NDST4: variants seen among roughly 807,000 people sequenced by gnomAD.
NDST4 encodes N-heparan sulfate sulfotransferase 4.
NDST4 carries 63 observed loss-of-function variants against 100.8 expected under a neutral mutation model. That is an observed-to-expected ratio of 0.62 (90% CI 0.51 to 0.77). The LOEUF is 0.77. NDST4 is among the 30% of genes least tolerant of loss of function. The pLI is 0.00. For synonymous variants in NDST4, 377 were observed against 361.8 expected (o/e 1.04, Z -0.48); for missense variants, 943 against 1,018.4 (o/e 0.93, Z 1.01).
intron 12 of NDST4, among the ~76,000 whole-genome samples, chr4:114,832,446 G>A (rs1723219525): frequency 6.6e-6 from 1 of 152,142 alleles, no homozygotes; most frequent in African/African-American, 2.4e-5. Flanking sequence ...CAGACCTTGT[G>A]GGAGAGGCTT....
chr4:114,960,975 G>A (rs1726249732), intron 4 of NDST4, among the ~76,000 whole-genome samples: 1 of 151,986 alleles, frequency 6.6e-6, no homozygotes, highest in Non-Finnish European at 1.5e-5. Flanking sequence ...GATGTAATGT[G>A]CAATAATAAA....
In NDST4 at chr4:115,076,723, T is replaced by C; in HGVS notation, c.314A>G (p.Gln105Arg). Residue 105 changes from glutamine (Q) to arginine (R), a missense_variant, in exon 2 of 14, where the codon CAG becomes CGG. This residue lies in a region of NDST4 where 417 missense variants were observed against 384.2 expected (regional missense o/e 1.09). Coordinates refer to ENST00000264363, the MANE Select transcript of NDST4 (RefSeq NM_022569.3). ...IIAILESSRF[Q>R]YHMVIAPGKG... is the part of the protein sequence containing the mutation. ...TCCAGGGGCAATAACCATGTGGTAC[T>C]GAAATCGGCTGGACTCCAAAATAGC... 6.2e-7 allele frequency: 1 copy of C among 1,613,986 alleles called. No homozygotes were observed. The highest frequency in any genetic ancestry group is 1.1e-5 in the South Asian group (1 of 91,084).
intron 1 of NDST4, among the ~76,000 whole-genome samples, chr4:115,091,306 C>T (rs1045403518): frequency 6.6e-6 from 1 of 151,902 alleles, no homozygotes; most frequent in South Asian, 2.1e-4. Context: ...ATTTCATTTA[C>T]AAGAAATGAC....
chr4:114,946,801 C>G (rs979733033), intron 4 of NDST4, among the ~76,000 whole-genome samples: 1 of 152,128 alleles, frequency 6.6e-6, no homozygotes, highest in Non-Finnish European at 1.5e-5. Context: ...GGAATGGGTA[C>G]AGATCTTTTA....
chr4:115,059,401 G>C (rs1407410250), intron 2 of NDST4, among the ~76,000 whole-genome samples: 3 of 151,922 alleles, frequency 2.0e-5, no homozygotes, highest in African/African-American at 7.2e-5. Context: ...TATGGAAAAG[G>C]GTTTCATATG....
chr4:115,036,891 A>G (rs1728244413), intron 2 of NDST4, among the ~76,000 whole-genome samples: 1 of 152,056 alleles, frequency 6.6e-6, no homozygotes, highest in African/African-American at 2.4e-5. Context: ...CATACTGATA[A>G]TATATTTATC....
chr4:114,862,064 T>C (rs1422407218), intron 7 of NDST4, among the ~76,000 whole-genome samples: 1 of 152,192 alleles, frequency 6.6e-6, no homozygotes, highest in Non-Finnish European at 1.5e-5. Flanking sequence ...CTCTGTCTTC[T>C]TTATTGCTAC....
intron 2 of NDST4, among the ~76,000 whole-genome samples, chr4:115,040,370 C>T (rs972807486): frequency 1.5e-4 from 23 of 149,128 alleles, no homozygotes; most frequent in Admixed American, 6.8e-5. Context: ...ATATGAACTA[C>T]CAAAAAATCC....
chr4:115,016,692 C>G (rs181223658), intron 2 of NDST4, among the ~76,000 whole-genome samples: 1 of 152,032 alleles, frequency 6.6e-6, no homozygotes, highest in African/African-American at 2.4e-5. Flanking sequence ...GTATGCAATA[C>G]AGGAGATACC....
At chr4:114,965,375 G>A (rs921177140) in intron 4 of NDST4, among the ~76,000 whole-genome samples, 2 of 151,896 alleles carry the variant, frequency 1.3e-5, no homozygotes, top group African/African-American at 4.8e-5. Flanking sequence ...GACACTTAAG[G>A]ATTTTCCATA....
intron 7 of NDST4, among the ~76,000 whole-genome samples, chr4:114,870,551 A>C (rs1724125312): frequency 6.6e-6 from 1 of 152,128 alleles, no homozygotes; most frequent in Admixed American, 6.6e-5. Flanking sequence ...CAACCAAGCA[A>C]CCAACCAAAC....
intron 6 of NDST4, among the ~76,000 whole-genome samples, chr4:114,895,197 G>C (rs900031311): frequency 1.8e-4 from 28 of 151,892 alleles, no homozygotes; most frequent in Admixed American, 1.3e-4. Flanking sequence ...ACGAATCCAG[G>C]AGCTGGGTTT....
chr4:115,030,093 CTG>C (rs1728083529), intron 2 of NDST4, among the ~76,000 whole-genome samples: 1 of 151,950 alleles, frequency 6.6e-6, no homozygotes, highest in African/African-American at 2.4e-5. Context: ...AGGAAGATTC[CTG>C]TGTGAGAATT....
At chr4:114,920,887 T>A (rs1335614751) in intron 6 of NDST4, among the ~76,000 whole-genome samples, 1 of 152,196 alleles carries the variant, frequency 6.6e-6, no homozygotes, top group East Asian at 1.9e-4. Flanking sequence ...ATTTGATTTG[T>A]GGGGTTGAAT....
chr4:115,058,025 C>T (rs1003844534), intron 2 of NDST4, among the ~76,000 whole-genome samples: 2 of 152,016 alleles, frequency 1.3e-5, no homozygotes, highest in African/African-American at 4.8e-5. Flanking sequence ...ACTTGGAAGT[C>T]AACATAGAAA....
intron 6 of NDST4, among the ~76,000 whole-genome samples, chr4:114,920,806 T>C (rs952749826): frequency 1.3e-5 from 2 of 152,158 alleles, no homozygotes; most frequent in Non-Finnish European, 2.9e-5. Flanking sequence ...ATCTGTAGGA[T>C]CAATAACTGC....
chr4:114,969,292 T>C (rs1418194931), intron 4 of NDST4, among the ~76,000 whole-genome samples: 13 of 120,080 alleles, frequency 1.1e-4, no homozygotes, highest in Non-Finnish European at 2.0e-4. Flanking sequence ...CCAGCCTGGG[T>C]GACAGAGCGA....
Position 114,966,545 on chromosome 4 carries a change from T to G in NDST4, c.1221+3885A>C, listed in dbSNP as rs1009850633. Among the ~76,000 whole-genome samples the G allele has an allele frequency of 9.2e-5, 14 of 152,070 alleles. 1 individual carries two copies. The highest frequency in any genetic ancestry group is 1.3e-4 in the Non-Finnish European group (9 of 67,948). ...ATATATCTGAATATGTTTGAATCAT[T>G]TTTGGAACTGCTATGAGAACAAGTG... On this transcript the variant is annotated intron_variant, in intron 4 of 13. Transcript: ENST00000264363.
At chr4:114,892,250 C>T (rs530183876) in intron 6 of NDST4, among the ~76,000 whole-genome samples, 2 of 152,210 alleles carry the variant, frequency 1.3e-5, no homozygotes, top group South Asian at 4.1e-4. Context: ...GTTGGTAATA[C>T]ATACCATGTA....
Sources: gnomAD v4.1 joint callset for allele counts (sites outside exome capture counted in the v4.1 genomes callset) on GRCh38, gnomAD v4.1.1 for gene constraint, gnomAD v4.1.1 regional missense constraint, MANE v1.5 for transcripts, NCBI Gene and HGNC (gene_info 2026-07-23, HGNC 2026-07-21) for gene names.